The following STAG1 variants were observed in gnomAD, a reference collection of about 807,000 sequenced individuals.
STAG1 encodes the protein STAG1 cohesin complex component.
A neutral mutation model predicts 170.9 loss-of-function variants in STAG1; 26 were observed. The observed-to-expected ratio is 0.15, with a 90% CI of 0.11 to 0.21. STAG1 has a LOEUF of 0.21. Among genes scored for constraint, STAG1 ranks in the 10% least tolerant of loss-of-function variants. STAG1 has a pLI of 1.00. For synonymous variants in STAG1, 514 were observed against 497.7 expected (o/e 1.03, Z -0.44); for missense variants, 964 against 1,509.5 (o/e 0.64, Z 5.99).
intron 22 of STAG1, among the ~76,000 whole-genome samples, chr3:136,391,416 C>T (rs1418733084): frequency 7.0e-6 from 1 of 141,882 alleles, no homozygotes. Flanking sequence ...CTCACTCTGT[C>T]GCCAAGCTGG....
At chr3:136,490,722 T>C (rs2090109610) in intron 9 of STAG1, among the ~76,000 whole-genome samples, 1 of 152,198 alleles carries the variant, frequency 6.6e-6, no homozygotes, top group South Asian at 2.1e-4. Flanking sequence ...TGGTATTGTA[T>C]AAGAATAGCT....
chr3:136,607,460 T>C (rs996407107), intron 3 of STAG1, among the ~76,000 whole-genome samples: 3 of 152,216 alleles, frequency 2.0e-5, no homozygotes, highest in African/African-American at 7.2e-5. Flanking sequence ...TGGAGTGCGG[T>C]GGTGCGATCT....
chr3:136,549,473 T>C (rs1450696727), intron 5 of STAG1, among the ~76,000 whole-genome samples: 1 of 151,958 alleles, frequency 6.6e-6, no homozygotes, highest in East Asian at 1.9e-4. Context: ...CCATCCTGGC[T>C]GATTTTTTGT....
chr3:136,572,760 A>C (rs926212707), intron 4 of STAG1, among the ~76,000 whole-genome samples: 5 of 152,172 alleles, frequency 3.3e-5, no homozygotes, highest in Non-Finnish European at 7.3e-5. Flanking sequence ...TCAATTTTAG[A>C]GGGGAAAATT....
At chr3:136,371,448 G>A (rs979845003) in intron 23 of STAG1, among the ~76,000 whole-genome samples, 7 of 152,150 alleles carry the variant, frequency 4.6e-5, no homozygotes, top group African/African-American at 1.7e-4. Context: ...TGTCCTGAAT[G>A]GTAATGCCTA....
chr3:136,719,611 G>GTGGGTAGGTGGGTGGC (rs1475397018), intron 1 of STAG1, among the ~76,000 whole-genome samples: 1 of 140,374 alleles, frequency 7.1e-6, no homozygotes, highest in African/African-American at 2.6e-5. Flanking sequence ...GGATGGGTGG[G>GTGGGTAGGTGGGTGGC]TGGGTAGGTG....
intron 3 of STAG1, among the ~76,000 whole-genome samples, chr3:136,613,977 G>A (rs890341898): frequency 6.6e-6 from 1 of 152,150 alleles, no homozygotes; most frequent in Non-Finnish European, 1.5e-5. Context: ...CACTTTGGGA[G>A]GCTGATGCGG....
At chr3:136,521,971 G>A (rs1040038269) in intron 6 of STAG1, among the ~76,000 whole-genome samples, 2 of 152,046 alleles carry the variant, frequency 1.3e-5, no homozygotes, top group African/African-American at 4.8e-5. Flanking sequence ...TCATACACTG[G>A]ACTGATTAAG....
chr3:136,673,508 T>A (rs1942038282), intron 1 of STAG1, among the ~76,000 whole-genome samples: 1 of 152,194 alleles, frequency 6.6e-6, no homozygotes, highest in Non-Finnish European at 1.5e-5. Context: ...AATTTAGTCA[T>A]GAGAAATGAC....
intron 27 of STAG1, among the ~76,000 whole-genome samples, chr3:136,358,092 T>TC (rs1461072827): frequency 2.0e-5 from 3 of 151,246 alleles, no homozygotes; most frequent in Non-Finnish European, 3.0e-5. Context: ...ATTCGTATTT[T>TC]TTTTTTTTTT....
chr3:136,374,292 T>C (rs965304380), intron 23 of STAG1, among the ~76,000 whole-genome samples: 2 of 148,336 alleles, frequency 1.3e-5, no homozygotes, highest in African/African-American at 2.5e-5. Context: ...CAAAAATAAA[T>C]AGAAAAAAGC....
chr3:136,635,178 C>T (rs1174853445), intron 1 of STAG1, among the ~76,000 whole-genome samples: 1 of 152,136 alleles, frequency 6.6e-6, no homozygotes, highest in African/African-American at 2.4e-5. Context: ...AAGAAAATTA[C>T]ACATCAATAT....
chr3:136,673,206 A>C (rs185993155), intron 1 of STAG1, among the ~76,000 whole-genome samples: 44 of 152,362 alleles, frequency 2.9e-4, no homozygotes, highest in Non-Finnish European at 6.2e-4. Context: ...GGCCACTTAA[A>C]TCTGTAAACT....
At chr3:136,502,116 T>C (rs759299789) in intron 8 of STAG1, among the ~76,000 whole-genome samples, 5 of 151,724 alleles carry the variant, frequency 3.3e-5, no homozygotes, top group Non-Finnish European at 2.9e-5. Flanking sequence ...AGGTGGAGGT[T>C]GCGGTGAGTT....
chr3:136,429,895 T>C (rs1175359486), intron 16 of STAG1, among the ~76,000 whole-genome samples: 1 of 152,184 alleles, frequency 6.6e-6, no homozygotes, highest in Non-Finnish European at 1.5e-5. Context: ...TTAAAAACTT[T>C]TTTCTCCTCT....
At chr3:136,487,358 T>G (rs2090038960) in intron 9 of STAG1, among the ~76,000 whole-genome samples, 1 of 152,208 alleles carries the variant, frequency 6.6e-6, no homozygotes, top group Non-Finnish European at 1.5e-5. Context: ...ATGTACCACA[T>G]TTGCTTTATC....
chr3:136,351,010 A>G (rs1461379669), intron 28 of STAG1, among the ~76,000 whole-genome samples: 2 of 152,216 alleles, frequency 1.3e-5, no homozygotes, highest in Non-Finnish European at 2.9e-5. Flanking sequence ...TCATCATCTT[A>G]CAACATATAT....
intron 4 of STAG1, among the ~76,000 whole-genome samples, chr3:136,588,342 T>C (rs189728632): frequency 5.1e-4 from 78 of 152,266 alleles, no homozygotes; most frequent in African/African-American, 1.8e-3. Context: ...TTTGGGCTTT[T>C]GTTTTTGTTT....
chr3:136,395,884 T>A (rs1553800911), intron 22 of STAG1, among the ~76,000 whole-genome samples: 1 of 152,120 alleles, frequency 6.6e-6, no homozygotes, highest in African/African-American at 2.4e-5. Context: ...AAATTCAATC[T>A]CCTTTGACTT....
Sources: allele counts gnomAD v4.1 joint callset (sites outside exome capture counted in the v4.1 genomes callset), GRCh38; gene constraint gnomAD v4.1.1; transcripts MANE v1.5; gene names NCBI Gene and HGNC (gene_info 2026-07-23, HGNC 2026-07-21).